Variants in TACR1 observed in about 807,000 individuals in gnomAD.
TACR1 encodes the protein tachykinin receptor 1, also known as substance-P receptor.
In TACR1, 25 loss-of-function variants were observed where a neutral mutation model predicts 35.8. The observed-to-expected ratio is 0.70, with a 90% confidence interval of 0.51 to 0.98. The LOEUF is 0.98. TACR1 is among the 50% of genes least tolerant of loss of function. The pLI is 0.00. For missense variants in TACR1, 478 were observed against 522.9 expected, an observed-to-expected ratio of 0.91 and a Z score of 0.84; for synonymous variants, 195 against 206.7, an observed-to-expected ratio of 0.94 and a Z score of 0.48.
At chr2:75,129,388 C>T (rs944391419) in intron 1 of TACR1, among the ~76,000 whole-genome samples, 7 of 152,144 alleles carry the variant, frequency 4.6e-5, no homozygotes, top group African/African-American at 1.7e-4. Flanking sequence ...ATAATTAATG[C>T]TCTCTTCTGA....
intron 1 of TACR1, among the ~76,000 whole-genome samples, chr2:75,183,193 G>C (rs985777371): frequency 5.3e-5 from 8 of 152,114 alleles, no homozygotes; most frequent in African/African-American, 1.9e-4. Context: ...TAAAAATAAC[G>C]TTAGAAGCCA....
chr2:75,095,891 TC>T (rs1436939183), intron 2 of TACR1, among the ~76,000 whole-genome samples: 1 of 152,128 alleles, frequency 6.6e-6, no homozygotes, highest in Non-Finnish European at 1.5e-5. Flanking sequence ...TCACCTAAGT[TC>T]CTGACTAAGG....
chr2:75,121,547 T>A (rs553858151), intron 1 of TACR1, among the ~76,000 whole-genome samples: 8 of 152,338 alleles, frequency 5.3e-5, no homozygotes, highest in African/African-American at 1.9e-4. Flanking sequence ...GTCATCTGAA[T>A]GAATGTGTCC....
intron 2 of TACR1, among the ~76,000 whole-genome samples, chr2:75,060,646 G>A (rs1056026407): frequency 6.6e-6 from 1 of 152,186 alleles, no homozygotes; most frequent in Non-Finnish European, 1.5e-5. Flanking sequence ...GATTTATTTT[G>A]AAGTTGGTGG....
chr2:75,070,397 C>G (rs72807357), intron 2 of TACR1, among the ~76,000 whole-genome samples: 37,393 of 152,086 alleles, frequency 0.25, 5,952 homozygotes, highest in African/African-American at 0.42. Flanking sequence ...AAACCACCAT[C>G]TAGATGCTGG....
chr2:75,123,094 C>T (rs1674002119), intron 1 of TACR1, among the ~76,000 whole-genome samples: 1 of 143,326 alleles, frequency 7.0e-6, no homozygotes, highest in Non-Finnish European at 1.5e-5. Flanking sequence ...CCCAGATGGT[C>T]ATGGCCAGAA....
At chr2:75,066,594 C>T (rs1672765951) in intron 2 of TACR1, among the ~76,000 whole-genome samples, 1 of 152,212 alleles carries the variant, frequency 6.6e-6, no homozygotes, top group Non-Finnish European at 1.5e-5. Flanking sequence ...TGTTTGGATT[C>T]ATTCTTGTAT....
chr2:75,139,134 A>G (rs1303377129), intron 1 of TACR1, among the ~76,000 whole-genome samples: 1 of 152,214 alleles, frequency 6.6e-6, no homozygotes, highest in Non-Finnish European at 1.5e-5. Flanking sequence ...TGAAATTAAC[A>G]TTTGTTTAAG....
At chr2:75,073,744 A>G (rs1322747546) in intron 2 of TACR1, among the ~76,000 whole-genome samples, 6 of 152,176 alleles carry the variant, frequency 3.9e-5, no homozygotes, top group African/African-American at 1.4e-4. Flanking sequence ...TTTGCCGGGA[A>G]ACTCACTCAC....
chr2:75,086,223 G>A (rs1673185385), intron 2 of TACR1, among the ~76,000 whole-genome samples: 1 of 152,146 alleles, frequency 6.6e-6, no homozygotes, highest in Admixed American at 6.5e-5. Context: ...TGTATCCTCT[G>A]GGGAGACTGA....
At chr2:75,113,112 C>T (rs1673782817) in intron 2 of TACR1, among the ~76,000 whole-genome samples, 1 of 152,162 alleles carries the variant, frequency 6.6e-6, no homozygotes, top group Non-Finnish European at 1.5e-5. Context: ...GATCCCAGTG[C>T]CTTTTGTAAA....
At chr2:75,060,603 C>T (rs1294773712) in intron 2 of TACR1, among the ~76,000 whole-genome samples, 1 of 152,186 alleles carries the variant, frequency 6.6e-6, no homozygotes, top group Non-Finnish European at 1.5e-5. Flanking sequence ...AAGCAAATCA[C>T]AAAGGGCCTT....
At chr2:75,108,130 C>T (rs1243142473) in intron 2 of TACR1, among the ~76,000 whole-genome samples, 1 of 152,022 alleles carries the variant, frequency 6.6e-6, no homozygotes, top group Non-Finnish European at 1.5e-5. Flanking sequence ...GGGTAAGTTC[C>T]TTTGCTAATT....
chr2:75,199,361 A>G lies in TACR1; in HGVS notation c.-427T>C, dbSNP rs1307609099. On this transcript the variant is annotated 5_prime_UTR_variant, in exon 1 of 5. Coordinates refer to ENST00000305249, the MANE Select transcript of TACR1 (RefSeq NM_001058.4). ...GCCCTGTGCTGCGTGAGGACTTAGGAGCGAAGTGGGGGCCCATTGCAGCGC... is the reference window on the plus strand; with the variant it reads ...GCCCTGTGCTGCGTGAGGACTTAGGGGCGAAGTGGGGGCCCATTGCAGCGC... The G allele has an allele frequency of 5.9e-6, 1 of 169,516 alleles. No individual in the cohort carries two copies. The highest frequency in any genetic ancestry group is 1.3e-5 in the Non-Finnish European group (1 of 76,938). 10.5% of individuals were successfully genotyped at this position (169,516 alleles called of 1,614,324 possible). A position where few individuals can be genotyped will look rare whatever the true frequency, so the allele number is the denominator to read the frequency against.
At chr2:75,154,410 G>GCGTGCGCGCGCGCGCGCGCA (rs1166779798) in intron 1 of TACR1, 3 of 75,364 alleles carry the variant, frequency 4.0e-5, no homozygotes, top group African/African-American at 1.5e-4. Flanking sequence ...GAGCGCGCAC[G>GCGTGCGCGCGCGCGCGCGCA]CACACACACA....
intron 1 of TACR1, among the ~76,000 whole-genome samples, chr2:75,192,491 A>G (rs1451308238): frequency 6.6e-6 from 1 of 152,206 alleles, no homozygotes; most frequent in Non-Finnish European, 1.5e-5. Flanking sequence ...TACTCTTACA[A>G]TGGCCCTGTT....
intron 1 of TACR1, among the ~76,000 whole-genome samples, chr2:75,121,490 G>T (rs1673970757): frequency 6.6e-6 from 1 of 152,150 alleles, no homozygotes; most frequent in South Asian, 2.1e-4. Flanking sequence ...TTCATGTCTG[G>T]AGCCATTCCT....
At chr2:75,069,936 A>G (rs1321578504) in intron 2 of TACR1, among the ~76,000 whole-genome samples, 1 of 151,016 alleles carries the variant, frequency 6.6e-6, no homozygotes, top group East Asian at 1.9e-4. Context: ...AATCTTTGGA[A>G]GCAAGACACC....
chr2:75,100,181 T>A (rs1205109892), intron 2 of TACR1, among the ~76,000 whole-genome samples: 1 of 152,106 alleles, frequency 6.6e-6, no homozygotes, highest in Non-Finnish European at 1.5e-5. Context: ...AAAGACAGAC[T>A]CCCTCAGTTC....
Sources: gnomAD v4.1 joint callset for allele counts (sites outside exome capture counted in the v4.1 genomes callset) on GRCh38, gnomAD v4.1.1 for gene constraint, MANE v1.5 for transcripts, NCBI Gene and HGNC (gene_info 2026-07-23, HGNC 2026-07-21) for gene names.